Variants in TENT5A observed in about 807,000 individuals in gnomAD.
The protein encoded by TENT5A is HBV X-transactivated gene 11 protein.
A neutral mutation model predicts 30.2 loss-of-function variants in TENT5A; 9 were observed. That is an observed-to-expected ratio of 0.30 (90% confidence interval 0.18 to 0.52). The LOEUF (loss-of-function observed/expected upper bound fraction) is 0.52, where lower values mean the gene tolerates loss of function less well. Among genes scored for constraint, TENT5A ranks in the 20% least tolerant of loss-of-function variants. The pLI, the probability that TENT5A is intolerant of heterozygous loss-of-function variation, is 0.97. For missense variants in TENT5A, 411 were observed against 566.1 expected (o/e 0.73, Z 2.78); for synonymous variants, 264 against 234.2 (o/e 1.13, Z -1.16).
In TENT5A at chr6:81,747,260, A is replaced by T; in HGVS notation, c.*2435T>A. On this transcript the variant is annotated 3_prime_UTR_variant, in exon 3 of 3. Transcript: ENST00000320172. ...TCTTTCAGAAAACTTTGAAACAACT[A>T]AGCAGGCGGAGCTCTGGTTTCTGAT... 1.0e-6 allele frequency: 1 copy of T among 985,744 alleles called. No individual in the cohort carries two copies. The highest frequency in any genetic ancestry group is 1.2e-6 in the Non-Finnish European group (1 of 829,932). 61.1% of individuals were successfully genotyped at this position (985,744 alleles called of 1,614,324 possible).
Position 81,746,000 on chromosome 6 carries a change from C to G in TENT5A, c.*3695G>C. On this transcript the variant is annotated 3_prime_UTR_variant, in exon 3 of 3. Transcript: ENST00000320172. The stretch of plus-strand genomic sequence containing the variant: ...AGAGACAGCCAGCAGGCAGAGCCTC[C>G]TCCGTTCTGCAAGGCTTTGCAGCAA... 1.0e-6 allele frequency: 1 copy of G among 985,636 alleles called. No individual in the cohort carries two copies. The highest frequency in any genetic ancestry group is 1.7e-5 in the African/African-American group (1 of 57,358). The allele number at this position is 985,636 out of a possible 1,614,324, so 61.1% of individuals were successfully genotyped here.
Position 81,752,664 on chromosome 6 carries a change from G to A in TENT5A, c.-271C>T. The A allele has an allele frequency of 2.8e-6, 2 of 717,832 alleles. No individual in the cohort carries two copies. Among genetic ancestry groups the A allele is most frequent in the Non-Finnish European group, 5.2e-6 (2 of 385,500 alleles). The allele number at this position is 717,832 out of a possible 1,614,324, so 44.5% of individuals were successfully genotyped here. On this transcript the variant is annotated 5_prime_UTR_variant, in exon 1 of 3. Coordinates refer to ENST00000320172, the MANE Select transcript of TENT5A (RefSeq NM_017633.3). ...GCTGCCACACACGCTCGTGTCTCTG[G>A]AGCTTTAGCAGTTGTGCGGGGAAAA...
chr6:81,748,403 A>G lies in TENT5A; in HGVS notation c.*1292T>C. On this transcript the variant is annotated 3_prime_UTR_variant, in exon 3 of 3. Transcript: ENST00000320172. ...TCACCAAAGAAAAAAAAAAAAAGAAAAAAAAATCCCACTAAAACAGTATAA... is the reference window on the plus strand; with the variant it reads ...TCACCAAAGAAAAAAAAAAAAAGAAGAAAAAATCCCACTAAAACAGTATAA... 1 of 982,650 alleles carries G rather than the reference A, an allele frequency of 1.0e-6. No individual in the cohort carries two copies. Among genetic ancestry groups the G allele is most frequent in the African/African-American group, 1.7e-5 (1 of 57,236 alleles). The allele number at this position is 982,650 out of a possible 1,614,324, so 60.9% of individuals were successfully genotyped here.
Position 81,749,874 on chromosome 6 carries a change from G to A in TENT5A, c.1150C>T (p.Leu384=), listed in dbSNP as rs759552344. Residue 384 remains leucine, a synonymous_variant, in exon 3 of 3, where the codon CTG becomes TTG. Coordinates refer to ENST00000320172, the MANE Select transcript of TENT5A (RefSeq NM_017633.3). The part of the protein sequence containing the change: ...RRQTLNLITM[L]AIRVLADQNV... ...TGGTCAGCTAACACCCGGATAGCCA[G>A]CATGGTGATAAGGTTTAAAGTCTGT... The A allele has an allele frequency of 1.2e-6, 2 of 1,614,124 alleles. No homozygotes were observed. The highest frequency in any genetic ancestry group is 1.7e-4 in the Middle Eastern group (1 of 6,060).
chr6:81,746,618 T>G lies in TENT5A; in HGVS notation c.*3077A>C, dbSNP rs1768892179. Reference sequence around the variant, plus strand: ...TTAAAAACGGCATTGTCACAGGCTATGTGTTCTCTGACATGCCAGGCTGGA... The same window carrying G: ...TTAAAAACGGCATTGTCACAGGCTAGGTGTTCTCTGACATGCCAGGCTGGA... On this transcript the variant is annotated 3_prime_UTR_variant, in exon 3 of 3. Transcript: ENST00000320172. 8.1e-7 allele frequency: 1 copy of G among 1,231,984 alleles called. No individual in the cohort carries two copies. The highest frequency in any genetic ancestry group is 4.2e-5 in the Admixed American group (1 of 23,718). 76.3% of individuals were successfully genotyped at this position (1,231,984 alleles called of 1,614,324 possible).
rs1272036275 is a variant in TENT5A, at chr6:81,745,822, T to A, written c.*3873A>T. ...ACAATCTGTTCCCTCTAGCACTGAT[T>A]CAAACATGTCAGTTTTTTAGTCCAT... On this transcript the variant is annotated 3_prime_UTR_variant, in exon 3 of 3. Transcript: ENST00000320172. The A allele has an allele frequency of 1.0e-6, 1 of 985,764 alleles. No homozygotes were observed. The highest frequency in any genetic ancestry group is 6.1e-5 in the Admixed American group (1 of 16,272). 61.1% of individuals were successfully genotyped at this position (985,764 alleles called of 1,614,324 possible). A position where few individuals can be genotyped will look rare whatever the true frequency, so the allele number is the denominator to read the frequency against.
rs1159673709 is a variant in TENT5A, at chr6:81,750,683, G to C, written c.553-212C>G. Among the ~76,000 whole-genome samples, 2 of 152,236 alleles carry C rather than the reference G, an allele frequency of 1.3e-5. No homozygotes were observed. Among genetic ancestry groups the C allele is most frequent in the East Asian group, 3.9e-4 (2 of 5,190 alleles). On this transcript the variant is annotated intron_variant, in intron 2 of 2. Transcript: ENST00000320172. The surrounding 1 kb of genome is among the most constrained non-coding windows in gnomAD (Gnocchi z 4.2). ...GTTTTACTGTCTGGGAAAGGGACTAGAGGTAATAGTTTGAGGCTTTTGGCA... is the reference window on the plus strand; with the variant it reads ...GTTTTACTGTCTGGGAAAGGGACTACAGGTAATAGTTTGAGGCTTTTGGCA...
Position 81,752,584 on chromosome 6 carries a change from ACC to A in TENT5A, c.-193_-192del, listed in dbSNP as rs778609377. 6.0e-6 allele frequency: 5 copies of A among 827,680 alleles called. No individual in the cohort carries two copies. The African/African-American group carries it at 8.5e-5, about 14-fold the overall frequency. The allele number at this position is 827,680 out of a possible 1,614,324, so 51.3% of individuals were successfully genotyped here. ...CTGCGCTCACCACTCCCTCCCCGCG[ACC>A]CCTCCTGCGCCGCTGCCACCCCAGC... On this transcript the variant is annotated 5_prime_UTR_variant, in exon 1 of 3. Coordinates refer to ENST00000320172, the MANE Select transcript of TENT5A (RefSeq NM_017633.3).
In TENT5A at chr6:81,752,585, C is replaced by G. The variant is rs970289783; in HGVS notation, c.-192G>C. The G allele has an allele frequency of 2.5e-5, 21 of 824,424 alleles. 1 individual carries two copies. In the Middle Eastern group the frequency reaches 1.1e-3, roughly 44 times the overall value. 51.1% of individuals were successfully genotyped at this position (824,424 alleles called of 1,614,324 possible). On this transcript the variant is annotated 5_prime_UTR_variant, in exon 1 of 3. Transcript: ENST00000320172. The stretch of plus-strand genomic sequence containing the variant: ...TGCGCTCACCACTCCCTCCCCGCGA[C>G]CCCTCCTGCGCCGCTGCCACCCCAG...
At position 81,749,703 on chromosome 6, in the gene TENT5A, A is replaced by C; in HGVS notation, c.1321T>G (p.Cys441Gly). Residue 441 changes from cysteine to glycine, a missense_variant, in exon 3 of 3, where the codon TGC (cysteine) becomes GGC (glycine). Physicochemically the swap from Cys to Gly is radical, Grantham distance 159 (BLOSUM62 -3). Transcript: ENST00000320172. ...QQQTYSTWLP[C>G]N ...ACATTTTTAAATGATTCTTAATTGC[A>C]GGGTAGCCAAGTGGAGTAGGTCTGT... The C allele has an allele frequency of 1.2e-6, 2 of 1,607,096 alleles. No homozygotes were observed. Among genetic ancestry groups the C allele is most frequent in the Non-Finnish European group, 1.7e-6 (2 of 1,176,198 alleles).
rs957738953 is a variant in TENT5A, at chr6:81,748,982, A to G, written c.*713T>C. The G allele has an allele frequency of 7.1e-6, 7 of 985,828 alleles. No homozygotes were observed. The highest frequency in any genetic ancestry group is 7.2e-6 in the Non-Finnish European group (6 of 829,924). 61.1% of individuals were successfully genotyped at this position (985,828 alleles called of 1,614,324 possible). On this transcript the variant is annotated 3_prime_UTR_variant, in exon 3 of 3. Coordinates refer to ENST00000320172, the MANE Select transcript of TENT5A (RefSeq NM_017633.3). The stretch of plus-strand genomic sequence containing the variant: ...TGTTAAATCTTTGGTCCTTGAGCAC[A>G]CTTTCTTTGTTACAGCTGTTTTTGC...
chr6:81,747,399 G>T lies in TENT5A; in HGVS notation c.*2296C>A, dbSNP rs1356979122. Reference sequence around the variant, plus strand: ...GACTGAGCCAAGATGGTAGTAGGAGGAGTTCCTTAGAAAACTGAGTGGCAG... The same window carrying T: ...GACTGAGCCAAGATGGTAGTAGGAGTAGTTCCTTAGAAAACTGAGTGGCAG... On this transcript the variant is annotated 3_prime_UTR_variant, in exon 3 of 3. Coordinates refer to ENST00000320172, the MANE Select transcript of TENT5A (RefSeq NM_017633.3). The T allele has an allele frequency of 2.0e-6, 2 of 985,758 alleles. No homozygotes were observed. The highest frequency in any genetic ancestry group is 2.4e-6 in the Non-Finnish European group (2 of 829,962). The allele number at this position is 985,758 out of a possible 1,614,324, so 61.1% of individuals were successfully genotyped here.
chr6:81,752,169 C>A lies in TENT5A; in HGVS notation c.-28G>T. On this transcript the variant is annotated 5_prime_UTR_variant, in exon 2 of 3. The change creates a new upstream start codon in the 5' untranslated region. Coordinates refer to ENST00000320172, the MANE Select transcript of TENT5A (RefSeq NM_017633.3). Reference sequence around the variant, plus strand: ...AGTGCCCGCCGAGCGCCACTTGGCCCTGGTCAGTCCTAAAAAGAAAGGGAA... The same window carrying A: ...AGTGCCCGCCGAGCGCCACTTGGCCATGGTCAGTCCTAAAAAGAAAGGGAA... The A allele has an allele frequency of 1.3e-6, 2 of 1,513,646 alleles. No individual in the cohort carries two copies. Among genetic ancestry groups the A allele is most frequent in the South Asian group, 2.5e-5 (2 of 78,544 alleles). The allele number at this position is 1,513,646 out of a possible 1,614,324, so 93.8% of individuals were successfully genotyped here. A position where few individuals can be genotyped will look rare whatever the true frequency, so the allele number is the denominator to read the frequency against.
Position 81,752,150 on chromosome 6 carries a change from C to G in TENT5A, c.-9G>C, listed in dbSNP as rs865843852. Reference sequence around the variant, plus strand: ...CCTTCACCCTCCGCCATGTAGTGCCCGCCGAGCGCCACTTGGCCCTGGTCA... The same window carrying G: ...CCTTCACCCTCCGCCATGTAGTGCCGGCCGAGCGCCACTTGGCCCTGGTCA... On this transcript the variant is annotated 5_prime_UTR_variant, in exon 2 of 3. Transcript: ENST00000320172. 1 of 1,539,534 alleles carries G rather than the reference C, an allele frequency of 6.5e-7. No homozygotes were observed. The highest frequency in any genetic ancestry group is 8.8e-7 in the Non-Finnish European group (1 of 1,141,810).
Position 81,749,902 on chromosome 6 carries a change from T to C in TENT5A, c.1122A>G (p.Arg374=). 6.2e-7 allele frequency: 1 copy of C among 1,614,178 alleles called. No individual in the cohort carries two copies. The highest frequency in any genetic ancestry group is 1.7e-5 in the Admixed American group (1 of 60,018). The change falls in exon 3 of 3, where the codon AGA becomes AGG. Residue 374 remains arginine, a synonymous_variant. Transcript: ENST00000320172. ...ESTVCLMGHE[R]RQTLNLITML... ...TGGTGATAAGGTTTAAAGTCTGTCT[T>C]CTTTCATGTCCCATCAGGCACACTG...
chr6:81,748,321 A>G lies in TENT5A; in HGVS notation c.*1374T>C, dbSNP rs1768927558. Reference sequence around the variant, plus strand: ...TTCCAACTGTCAAAATGGCAGTTCAATATAAAAAAGAGTGCTCTGCCAAAC... The same window carrying G: ...TTCCAACTGTCAAAATGGCAGTTCAGTATAAAAAAGAGTGCTCTGCCAAAC... On this transcript the variant is annotated 3_prime_UTR_variant, in exon 3 of 3. Transcript: ENST00000320172. 5 of 984,352 alleles carry G rather than the reference A, an allele frequency of 5.1e-6. No individual in the cohort carries two copies. Among genetic ancestry groups the G allele is most frequent in the Non-Finnish European group, 6.0e-6 (5 of 829,420 alleles). The allele number at this position is 984,352 out of a possible 1,614,324, so 61.0% of individuals were successfully genotyped here.
chr6:81,749,800 G>A lies in TENT5A; in HGVS notation c.1224C>T (p.Ala408=), dbSNP rs771292824. 2 of 1,613,892 alleles carry A rather than the reference G, an allele frequency of 1.2e-6. No homozygotes were observed. Among genetic ancestry groups the A allele is most frequent in the South Asian group, 2.2e-5 (2 of 91,064 alleles). ...TAAAGTTGGCATCTGCTACATAGGGGGCTGGCTGGTAATAGCAAGTGACAT... is the reference window on the plus strand; with the variant it reads ...TAAAGTTGGCATCTGCTACATAGGGAGCTGGCTGGTAATAGCAAGTGACAT... The part of the protein sequence containing the change: ...VANVTCYYQP[A]PYVADANFSN... Residue 408 remains alanine, a synonymous_variant, in exon 3 of 3, where the codon GCC becomes GCT. Coordinates refer to ENST00000320172, the MANE Select transcript of TENT5A (RefSeq NM_017633.3).
rs546736217 is a variant in TENT5A, at chr6:81,749,599, A to G, written c.*96T>C. ...TCATCATTGCACAAAACACATCCCT[A>G]ATAAGGGCTGGATCACTCTTTTTTT... On this transcript the variant is annotated 3_prime_UTR_variant, in exon 3 of 3. Coordinates refer to ENST00000320172, the MANE Select transcript of TENT5A (RefSeq NM_017633.3). 6.7e-7 allele frequency: 1 copy of G among 1,490,358 alleles called. No homozygotes were observed. Among genetic ancestry groups the G allele is most frequent in the Admixed American group, 2.4e-5 (1 of 41,204 alleles). 92.3% of individuals were successfully genotyped at this position (1,490,358 alleles called of 1,614,324 possible). A position where few individuals can be genotyped will look rare whatever the true frequency, so the allele number is the denominator to read the frequency against.
rs1227775444 is a variant in TENT5A at position 81,749,871 on chromosome 6, C to A, written c.1153G>T (p.Ala385Ser). The A allele has an allele frequency of 1.2e-6, 2 of 1,614,114 alleles. No homozygotes were observed. The highest frequency in any genetic ancestry group is 1.7e-6 in the Non-Finnish European group (2 of 1,180,010). ...TTTTGGTCAGCTAACACCCGGATAG[C>A]CAGCATGGTGATAAGGTTTAAAGTC... ...RQTLNLITML[A>S]IRVLADQNVI... Residue 385 changes from alanine (A) to serine (S), a missense_variant, in exon 3 of 3, where the codon GCT (alanine) becomes TCT (serine). By Grantham distance (99) the Ala-to-Ser change is moderately conservative (BLOSUM62 1). Coordinates refer to ENST00000320172, the MANE Select transcript of TENT5A (RefSeq NM_017633.3).
Sources: allele counts gnomAD v4.1 joint callset (sites outside exome capture counted in the v4.1 genomes callset), GRCh38; gene constraint gnomAD v4.1.1; non-coding constraint Gnocchi (gnomAD v3.1); transcripts MANE v1.5; gene names NCBI Gene and HGNC (gene_info 2026-07-23, HGNC 2026-07-21).